The following DLGAP2 variants were observed in gnomAD, a reference collection of about 807,000 sequenced individuals.
DLGAP2 encodes DLG associated protein 2.
Under a neutral mutation model 100.3 loss-of-function variants are expected in DLGAP2, and 26 were observed. That is an observed-to-expected ratio of 0.26 (90% CI 0.19 to 0.36). The LOEUF is 0.36. DLGAP2 is among the 10% of genes least tolerant of loss of function. The pLI is 1.00. For synonymous variants in DLGAP2, 886 were observed against 630.1 expected (o/e 1.41, Z -6.08); for missense variants, 1,858 against 1,453.2 (o/e 1.28, Z -4.53).
chr8:1,082,881 A>G (rs1362661282), intron 2 of DLGAP2, among the ~76,000 whole-genome samples: 2 of 152,212 alleles, frequency 1.3e-5, no homozygotes, highest in Non-Finnish European at 2.9e-5. Flanking sequence ...TTAAGGTATT[A>G]TTTCCTAGTT....
chr8:1,571,546 G>A (rs1484159262), intron 6 of DLGAP2, among the ~76,000 whole-genome samples: 1 of 123,326 alleles, frequency 8.1e-6, no homozygotes, highest in African/African-American at 3.1e-5. Context: ...AGAGAGGAGT[G>A]AACTGTGGGG....
At chr8:1,170,312 A>C (rs541648980) in intron 2 of DLGAP2, among the ~76,000 whole-genome samples, 2 of 151,976 alleles carry the variant, frequency 1.3e-5, no homozygotes, top group Admixed American at 1.3e-4. Context: ...TTTTTGCATC[A>C]ATGTTCATCA....
chr8:1,464,829 A>G (rs1002546764), intron 3 of DLGAP2, among the ~76,000 whole-genome samples: 3 of 152,248 alleles, frequency 2.0e-5, no homozygotes, highest in African/African-American at 7.2e-5. Context: ...GATGATCATT[A>G]TCATATCAGA....
intron 2 of DLGAP2, among the ~76,000 whole-genome samples, chr8:1,067,274 T>C (rs1185880170): frequency 4.6e-5 from 7 of 152,224 alleles, no homozygotes; most frequent in Admixed American, 1.3e-4. Flanking sequence ...CTGAGAAGGC[T>C]GAAGGGTATG....
chr8:1,288,105 G>GCA (rs1799981580), intron 3 of DLGAP2, among the ~76,000 whole-genome samples: 1 of 146,844 alleles, frequency 6.8e-6, no homozygotes, highest in African/African-American at 2.5e-5. Context: ...GTGTGCGTGT[G>GCA]TGGTTCTGTT....
chr8:1,513,061 C>T (rs1481774967), intron 4 of DLGAP2, among the ~76,000 whole-genome samples: 4 of 151,082 alleles, frequency 2.6e-5, no homozygotes, highest in Non-Finnish European at 4.4e-5. Flanking sequence ...CAGGGAGGCT[C>T]AGTGGGATAA....
intron 3 of DLGAP2, among the ~76,000 whole-genome samples, chr8:1,391,240 A>G (rs1268844001): frequency 6.6e-6 from 1 of 152,242 alleles, no homozygotes; most frequent in Non-Finnish European, 1.5e-5. Context: ...GCTAGACATT[A>G]CGAGCTTCCA....
At chr8:1,092,065 C>G (rs1804202353) in intron 2 of DLGAP2, among the ~76,000 whole-genome samples, 1 of 152,122 alleles carries the variant, frequency 6.6e-6, no homozygotes, top group Admixed American at 6.5e-5. Context: ...GCCGTGCAGC[C>G]TCTCCTGCGT....
chr8:1,004,501 A>G (rs1023025590), intron 2 of DLGAP2, among the ~76,000 whole-genome samples: 5 of 152,196 alleles, frequency 3.3e-5, no homozygotes, highest in East Asian at 1.9e-4. Flanking sequence ...GTCGGCCACA[A>G]TCAGGGTTGG....
intron 2 of DLGAP2, among the ~76,000 whole-genome samples, chr8:1,028,920 C>A (rs1801895652): frequency 6.6e-6 from 1 of 152,180 alleles, no homozygotes; most frequent in African/African-American, 2.4e-5. Flanking sequence ...GAAGGACGGC[C>A]TGACCGAGGG....
chr8:1,496,506 C>T (rs536316287), intron 3 of DLGAP2, among the ~76,000 whole-genome samples: 6 of 152,226 alleles, frequency 3.9e-5, no homozygotes, highest in South Asian at 2.1e-4. Flanking sequence ...GCGCACTGCC[C>T]GAGTCTCCCT....
intron 4 of DLGAP2, among the ~76,000 whole-genome samples, chr8:1,523,869 G>A (rs1234748129): frequency 6.6e-6 from 1 of 152,186 alleles, no homozygotes; most frequent in African/African-American, 2.4e-5. Context: ...CTTCAATTCA[G>A]TAACCGCATA....
intron 8 of DLGAP2, among the ~76,000 whole-genome samples, chr8:1,652,521 A>G (rs1798191001): frequency 6.6e-6 from 1 of 152,140 alleles, no homozygotes; most frequent in South Asian, 2.1e-4. Flanking sequence ...CTTGCAACTA[A>G]CCCTGGTCTT....
chr8:956,623 C>T (rs1459482537), intron 2 of DLGAP2, among the ~76,000 whole-genome samples: 1 of 152,222 alleles, frequency 6.6e-6, no homozygotes, highest in Admixed American at 6.5e-5. Flanking sequence ...TTTTAGACTG[C>T]TGCCTCCGTT....
chr8:1,342,532 C>G (rs1801440405), intron 3 of DLGAP2, among the ~76,000 whole-genome samples: 2 of 148,876 alleles, frequency 1.3e-5, no homozygotes, highest in South Asian at 4.3e-4. Flanking sequence ...CCGTGCGGCT[C>G]AGTCGCATCT....
At chr8:1,504,981 G>C (rs1319530643) in intron 4 of DLGAP2, among the ~76,000 whole-genome samples, 2 of 151,840 alleles carry the variant, frequency 1.3e-5, no homozygotes, top group African/African-American at 4.8e-5. Context: ...GGATAATTAA[G>C]AGAAAAAGCA....
At chr8:1,212,327 C>T (rs570864734) in intron 2 of DLGAP2, among the ~76,000 whole-genome samples, 275 of 152,308 alleles carry the variant, frequency 1.8e-3, no homozygotes, top group Middle Eastern at 3.4e-3. Flanking sequence ...AGGTTTGCTC[C>T]GTCTCCAGAG....
At chr8:876,753 G>A (rs1797692967) in intron 1 of DLGAP2, among the ~76,000 whole-genome samples, 1 of 152,030 alleles carries the variant, frequency 6.6e-6, no homozygotes, top group Non-Finnish European at 1.5e-5. Context: ...TCCTTCTGAT[G>A]TTCTCATTGT....
chr8:1,081,898 T>C (rs1489680844), intron 2 of DLGAP2, among the ~76,000 whole-genome samples: 1 of 152,122 alleles, frequency 6.6e-6, no homozygotes, highest in African/African-American at 2.4e-5. Flanking sequence ...CTGCGGCTGC[T>C]CCTACCCCTG....
Sources: gnomAD v4.1 joint callset for allele counts (sites outside exome capture counted in the v4.1 genomes callset) on GRCh38, gnomAD v4.1.1 for gene constraint, MANE v1.5 for transcripts, NCBI Gene and HGNC (gene_info 2026-07-23, HGNC 2026-07-21) for gene names.